The following AHCYL2 variants were observed in gnomAD, a reference collection of about 807,000 sequenced individuals.
AHCYL2 encodes adenosylhomocysteinase like 2, also known as S-adenosylhomocysteine hydrolase-like protein 2.
A neutral mutation model predicts 81.4 loss-of-function variants in AHCYL2; 28 were observed. The observed-to-expected ratio is 0.34, with a 90% CI of 0.25 to 0.47. AHCYL2 has a LOEUF of 0.47. Ranked by LOEUF, AHCYL2 falls within the 20% of genes least tolerant of loss-of-function variation. The pLI is 1.00. For missense variants in AHCYL2, 551 were observed against 785.1 expected, an observed-to-expected ratio of 0.70 and a Z score of 3.56; for synonymous variants, 272 against 290.2, an observed-to-expected ratio of 0.94 and a Z score of 0.64.
intron 1 of AHCYL2, among the ~76,000 whole-genome samples, chr7:129,267,877 T>C (rs1249925784): frequency 2.0e-5 from 3 of 152,116 alleles, no homozygotes; most frequent in Admixed American, 1.3e-4. Context: ...TCTAGTCTTA[T>C]ATGATTGGGT....
chr7:129,249,919 AAT>A (rs1438968633), intron 1 of AHCYL2, among the ~76,000 whole-genome samples: 1 of 152,112 alleles, frequency 6.6e-6, no homozygotes, highest in African/African-American at 2.4e-5. Context: ...AAGGCCGAGT[AAT>A]ATTCTGTTGT....
rs144937159 is a variant in AHCYL2, at chr7:129,321,358, A to G, written c.364-58280A>G. Among the ~76,000 whole-genome samples the G allele has an allele frequency of 5.4e-3, 818 of 152,258 alleles. 6 individuals carry two copies. Among genetic ancestry groups the G allele is most frequent in the African/African-American group, 0.019 (776 of 41,546 alleles). On this transcript the variant is annotated intron_variant, in intron 1 of 16. Transcript: ENST00000325006. ...CTGTTCTAGTCTTAGTTTTCCAACA[A>G]TTTTTATCAGGAATGGATGGTGGAT...
chr7:129,321,882 C>G (rs1233566743), intron 1 of AHCYL2, among the ~76,000 whole-genome samples: 1 of 149,640 alleles, frequency 6.7e-6, no homozygotes, highest in Non-Finnish European at 1.5e-5. Context: ...TTCAAGCGAT[C>G]CTCCTGCCTC....
chr7:129,271,531 C>T (rs1384604124), intron 1 of AHCYL2, among the ~76,000 whole-genome samples: 1 of 152,018 alleles, frequency 6.6e-6, no homozygotes, highest in Admixed American at 6.6e-5. Context: ...TGCATAAGAT[C>T]ATGGCTGAAT....
Position 129,427,785 on chromosome 7 carries a change from C to T in AHCYL2, c.*740C>T, listed in dbSNP as rs919685015. The T allele has an allele frequency of 3.9e-5, 6 of 152,638 alleles. No individual in the cohort carries two copies. The highest frequency in any genetic ancestry group is 1.4e-4 in the African/African-American group (6 of 41,454). The allele number at this position is 152,638 out of a possible 1,614,324, so 9.5% of individuals were successfully genotyped here. A position where few individuals can be genotyped will look rare whatever the true frequency, so the allele number is the denominator to read the frequency against. Reference sequence around the variant, plus strand: ...TTGTTCTGCTGTCTTTCTAATCCAGCCAACGTCTGCTCAGGAAGTGGGGCC... The same window carrying T: ...TTGTTCTGCTGTCTTTCTAATCCAGTCAACGTCTGCTCAGGAAGTGGGGCC... On this transcript the variant is annotated 3_prime_UTR_variant, in exon 17 of 17. Transcript: ENST00000325006. This position sits in a 1 kb window ranked among gnomAD's most constrained non-coding sequence, Gnocchi z 5.5.
intron 11 of AHCYL2, among the ~76,000 whole-genome samples, chr7:129,411,558 G>A (rs543404443): frequency 3.3e-5 from 5 of 152,082 alleles, no homozygotes; most frequent in African/African-American, 1.2e-4. Context: ...TCAGGAGTTC[G>A]AGACCAGCCT....
intron 1 of AHCYL2, among the ~76,000 whole-genome samples, chr7:129,279,034 T>C (rs1403911210): frequency 1.3e-5 from 2 of 152,186 alleles, no homozygotes; most frequent in Non-Finnish European, 2.9e-5. Flanking sequence ...CAAAGTTGTT[T>C]TGACTCTTCT....
intron 12 of AHCYL2, 22 bp from the exon 13 acceptor site, chr7:129,422,818 G>A (rs773236351): frequency 6.2e-7 from 1 of 1,609,072 alleles, no homozygotes; most frequent in South Asian, 1.1e-5. Flanking sequence ...GGCTAATGCT[G>A]TACTTGCTGT....
At chr7:129,322,880 G>A (rs569358793) in intron 1 of AHCYL2, among the ~76,000 whole-genome samples, 9 of 152,212 alleles carry the variant, frequency 5.9e-5, no homozygotes, top group Non-Finnish European at 1.3e-4. Context: ...ACAGGTGTGA[G>A]CCACCATGCC....
At chr7:129,258,513 C>G (rs1055140523) in intron 1 of AHCYL2, among the ~76,000 whole-genome samples, 7 of 144,270 alleles carry the variant, frequency 4.9e-5, no homozygotes, top group African/African-American at 1.8e-4. Context: ...GCAGTCACTT[C>G]TTTGATCTGT....
intron 1 of AHCYL2, among the ~76,000 whole-genome samples, chr7:129,236,655 A>T (rs184816554): frequency 6.6e-6 from 1 of 152,340 alleles, no homozygotes; most frequent in East Asian, 1.9e-4. Context: ...GCAAAATGCC[A>T]TGTTGTCTTT....
intron 1 of AHCYL2, among the ~76,000 whole-genome samples, chr7:129,250,545 C>G (rs186952188): frequency 6.6e-6 from 1 of 152,256 alleles, no homozygotes; most frequent in Non-Finnish European, 1.5e-5. Flanking sequence ...TCATATTACA[C>G]TGTCTAGAAC....
rs1797190471 is a variant in AHCYL2, at chr7:129,423,056, ACTT to A, written c.1560+119_1560+121del. ...TCCTCTGTTAAGCACAAGTTTGACT[ACTT>A]TCCCAATGGATTTTACTTCTAATTG... On this transcript the variant is annotated intron_variant, in intron 13 of 16. Coordinates refer to ENST00000325006, the MANE Select transcript of AHCYL2 (RefSeq NM_015328.4). The A allele has an allele frequency of 6.9e-6, 5 of 724,754 alleles. No homozygotes were observed. The East Asian group carries it at 1.5e-4, about 21-fold the overall frequency. 44.9% of individuals were successfully genotyped at this position (724,754 alleles called of 1,614,324 possible). A position where few individuals can be genotyped will look rare whatever the true frequency, so the allele number is the denominator to read the frequency against.
intron 1 of AHCYL2, among the ~76,000 whole-genome samples, chr7:129,280,321 C>G (rs1029435614): frequency 6.6e-6 from 1 of 151,914 alleles, no homozygotes; most frequent in Non-Finnish European, 1.5e-5. Context: ...AGGCGCCCAC[C>G]ACCATGTCCA....
chr7:129,387,842 C>A (rs1461095661), intron 2 of AHCYL2, among the ~76,000 whole-genome samples: 1 of 152,124 alleles, frequency 6.6e-6, no homozygotes, highest in African/African-American at 2.4e-5. Context: ...CCCCTGGTGC[C>A]CATGTTCATT....
rs1010793273 is a variant in AHCYL2 at position 129,290,002 on chromosome 7, G to A, written c.363+64563G>A. Among the ~76,000 whole-genome samples, 22 of 151,642 alleles carry A rather than the reference G, an allele frequency of 1.5e-4. No homozygotes were observed. In the East Asian group the frequency reaches 2.6e-3, roughly 18 times the overall value. On this transcript the variant is annotated intron_variant, in intron 1 of 16. Transcript: ENST00000325006. The stretch of plus-strand genomic sequence containing the variant: ...TCTCCATGTTGGTCAGGCTGGTCTC[G>A]AACTCTTGACCTCAGGTGATCCTCC...
chr7:129,295,807 C>T (rs1224499923), intron 1 of AHCYL2, among the ~76,000 whole-genome samples: 2 of 152,176 alleles, frequency 1.3e-5, no homozygotes, highest in Non-Finnish European at 2.9e-5. Flanking sequence ...TCAAATGTCT[C>T]TAATTAGGAA....
chr7:129,232,813 C>T (rs189929823), intron 1 of AHCYL2, among the ~76,000 whole-genome samples: 1 of 152,368 alleles, frequency 6.6e-6, no homozygotes, highest in Admixed American at 6.5e-5. Flanking sequence ...CATTAGCAAT[C>T]ACATCTTTGC....
chr7:129,356,838 C>G (rs1008047994), intron 1 of AHCYL2, among the ~76,000 whole-genome samples: 2 of 152,148 alleles, frequency 1.3e-5, no homozygotes, highest in Admixed American at 6.5e-5. Context: ...GTGTCACCTT[C>G]CACATAAAAT....
Sources: gnomAD v4.1 joint callset for allele counts (sites outside exome capture counted in the v4.1 genomes callset) on GRCh38, gnomAD v4.1.1 for gene constraint, Gnocchi (gnomAD v3.1) non-coding constraint, MANE v1.5 for transcripts, NCBI Gene and HGNC (gene_info 2026-07-23, HGNC 2026-07-21) for gene names.